Variants in ERCC8 observed in about 807,000 individuals in gnomAD.
ERCC8 encodes DNA excision repair protein ERCC-8.
A neutral mutation model predicts 54.9 loss-of-function variants in ERCC8; 52 were observed. The ratio of observed to expected loss-of-function variants is 0.95; its 90% CI spans 0.76 to 1.19. ERCC8 has a LOEUF of 1.19. Among genes scored for constraint, ERCC8 ranks in the 50% most tolerant of loss-of-function variants. The probability of loss-of-function intolerance (pLI) is 0.00; values close to 1 mark genes in which losing one functional copy is unlikely to be tolerated. For synonymous variants in ERCC8, 146 were observed against 157.2 expected, an observed-to-expected ratio of 0.93 and a Z score of 0.53; for missense variants, 514 against 466.1, an observed-to-expected ratio of 1.10 and a Z score of -0.95.
chr5:60,931,272 GGCTGAGCC>G (rs1749901744), intron 1 of ERCC8, among the ~76,000 whole-genome samples: 2 of 152,056 alleles, frequency 1.3e-5, no homozygotes, highest in Non-Finnish European at 2.9e-5. Context: ...GCTAATATTT[GGCTGAGCC>G]GCATTTGAAC....
At chr5:60,931,904 T>C (rs1488292437) in intron 1 of ERCC8, among the ~76,000 whole-genome samples, 1 of 152,096 alleles carries the variant, frequency 6.6e-6, no homozygotes, top group Non-Finnish European at 1.5e-5. Context: ...TACCAATATA[T>C]TTATCAATCC....
At chr5:60,932,242 T>A (rs1270048636) in intron 1 of ERCC8, 1 of 152,048 alleles carries the variant, frequency 6.6e-6, no homozygotes, top group African/African-American at 2.4e-5. Flanking sequence ...GTACAAAACA[T>A]AGGTTAACAT....
chr5:60,940,577 G>C, intron 1 of ERCC8, among the ~76,000 whole-genome samples: 1 of 152,296 alleles, frequency 6.6e-6, no homozygotes, highest in South Asian at 2.1e-4. Flanking sequence ...CCATAAAGTT[G>C]TTTATAAACT....
At chr5:60,878,249 G>C (rs1026370302) in intron 11 of ERCC8, among the ~76,000 whole-genome samples, 3 of 152,194 alleles carry the variant, frequency 2.0e-5, no homozygotes, top group African/African-American at 7.2e-5. Context: ...TAAGCTTTTT[G>C]ATGTGCTGCT....
rs192481093 is a variant in ERCC8, at chr5:60,937,469, G to A, written c.77+7463C>T. ...CAGATCTCCTTGGGTGAGGCTTGCC[G>A]CTGCTGCTGTGGTAGATGGGGGCAT... On this transcript the variant is annotated intron_variant, in intron 1 of 11. Transcript: ENST00000676185. 1.6e-3 allele frequency among the ~76,000 whole-genome samples: 251 copies of A among 152,272 alleles called. 2 individuals are homozygous for A. The highest frequency in any genetic ancestry group is 5.5e-3 in the African/African-American group (230 of 41,554).
intron 9 of ERCC8, 83 bp downstream of exon 9, chr5:60,898,193 A>G (rs1748772509): frequency 7.1e-7 from 1 of 1,403,818 alleles, no homozygotes. Flanking sequence ...GGAATAAATG[A>G]GTTAAATATA....
At chr5:60,924,600 C>T (rs1291266177) in intron 2 of ERCC8, 1 of 154,472 alleles carries the variant, frequency 6.5e-6, no homozygotes, top group Non-Finnish European at 1.5e-5. Flanking sequence ...CCTAGAAAAG[C>T]TTTCTTGAAT....
chr5:60,885,850 T>C (rs1451286752), intron 11 of ERCC8, among the ~76,000 whole-genome samples: 1 of 152,180 alleles, frequency 6.6e-6, no homozygotes, highest in East Asian at 1.9e-4. Context: ...ATACAAATTA[T>C]ATTTTCATGT....
intron 3 of ERCC8, 34 bp downstream of exon 3, chr5:60,922,020 C>T (rs763091752): frequency 6.8e-7 from 1 of 1,468,968 alleles, no homozygotes; most frequent in Non-Finnish European, 9.5e-7. Flanking sequence ...CAACTATTTA[C>T]AAATTCATAA....
At chr5:60,876,256 C>A (rs191877519) in intron 11 of ERCC8, among the ~76,000 whole-genome samples, 199 of 152,322 alleles carry the variant, frequency 1.3e-3, no homozygotes, top group African/African-American at 4.4e-3. Flanking sequence ...ATATGTGCCA[C>A]ATTTTCTTAA....
chr5:60,888,189 A>G (rs1200848255), intron 10 of ERCC8, among the ~76,000 whole-genome samples: 1 of 152,214 alleles, frequency 6.6e-6, no homozygotes, highest in Non-Finnish European at 1.5e-5. Flanking sequence ...GTACATCTCA[A>G]AAACAATGTG....
At chr5:60,903,817 T>C in intron 5 of ERCC8, 101 bp from the exon 6 acceptor site, 5 of 1,170,548 alleles carry the variant, frequency 4.3e-6, no homozygotes, top group Non-Finnish European at 3.8e-6. Context: ...ACTGTATCCA[T>C]GCAGAAATAT....
At chr5:60,904,163 TG>T (rs1748985409) in intron 5 of ERCC8, among the ~76,000 whole-genome samples, 3 of 152,078 alleles carry the variant, frequency 2.0e-5, no homozygotes, top group Non-Finnish European at 4.4e-5. Flanking sequence ...TCCAAGTTAA[TG>T]ATATACTTCC....
chr5:60,944,216 T>C (rs1050773923), intron 1 of ERCC8, among the ~76,000 whole-genome samples: 49 of 152,268 alleles, frequency 3.2e-4, no homozygotes, highest in Middle Eastern at 3.4e-3. Context: ...TCAGACGTTG[T>C]TCAAATCTCT....
intron 4 of ERCC8, among the ~76,000 whole-genome samples, chr5:60,914,624 TA>T (rs1749373470): frequency 6.6e-6 from 1 of 151,726 alleles, no homozygotes; most frequent in Non-Finnish European, 1.5e-5. Flanking sequence ...ACACTGCCTC[TA>T]CAAAAAGTTA....
rs4647140 is a variant in ERCC8, at chr5:60,876,053, G to A, written c.1123-1370C>T. ...CTACCCCCACCCCACAACAGGTCCCGGTGTGTGATGTTCCCCTTCCTGTGT... is the reference window on the plus strand; with the variant it reads ...CTACCCCCACCCCACAACAGGTCCCAGTGTGTGATGTTCCCCTTCCTGTGT... On this transcript the variant is annotated intron_variant, in intron 11 of 11. Transcript: ENST00000676185. Among the ~76,000 whole-genome samples, 35 of 149,438 alleles carry A rather than the reference G, an allele frequency of 2.3e-4. No homozygotes were observed. The South Asian group carries it at 4.5e-3, about 19-fold the overall frequency.
At position 60,871,856 on chromosome 5, in the gene ERCC8, A is replaced by AG. The variant is rs1358270744; in HGVS notation, c.*2758dup. ...CGCCATGTCACCCAGGCTGGAGTGT[A>AG]GTGACACGATCTTGGCTCAATGCAG... On this transcript the variant is annotated 3_prime_UTR_variant, in exon 12 of 12. Coordinates refer to ENST00000676185, the MANE Select transcript of ERCC8 (RefSeq NM_000082.4). Among the ~76,000 whole-genome samples the AG allele has an allele frequency of 6.6e-6, 1 of 152,128 alleles. No homozygotes were observed. The highest frequency in any genetic ancestry group is 1.5e-5 in the Non-Finnish European group (1 of 68,020).
At chr5:60,929,417 G>A (rs189921460) in intron 1 of ERCC8, among the ~76,000 whole-genome samples, 4 of 151,984 alleles carry the variant, frequency 2.6e-5, no homozygotes, top group Non-Finnish European at 5.9e-5. Context: ...GCAACATAGC[G>A]AGACCCCATC....
In ERCC8 at chr5:60,866,988, G is replaced by T. The variant is rs1014377893; in HGVS notation, c.*7627C>A. On this transcript the variant is annotated 3_prime_UTR_variant, in exon 12 of 12. Coordinates refer to ENST00000676185, the MANE Select transcript of ERCC8 (RefSeq NM_000082.4). ...GCCTCCCAAATAGCTGGGACTACAA[G>T]TGCCCGCCTAATTTTTTTTTTGTAT... The T allele has an allele frequency of 6.6e-6, 1 of 151,936 alleles. No homozygotes were observed. Among genetic ancestry groups the T allele is most frequent in the Non-Finnish European group, 1.5e-5 (1 of 68,026 alleles). 9.4% of individuals were successfully genotyped at this position (151,936 alleles called of 1,614,324 possible). A position where few individuals can be genotyped will look rare whatever the true frequency, so the allele number is the denominator to read the frequency against.
Sources: gnomAD v4.1 joint callset for allele counts (sites outside exome capture counted in the v4.1 genomes callset) on GRCh38, gnomAD v4.1.1 for gene constraint, MANE v1.5 for transcripts, NCBI Gene and HGNC (gene_info 2026-07-23, HGNC 2026-07-21) for gene names.